The following ABCA10 variants were observed in gnomAD, a reference collection of about 807,000 sequenced individuals.
ABCA10 encodes the protein ATP-binding cassette sub-family A member 10.
ABCA10 carries 169 observed loss-of-function variants against 187.5 expected under a neutral mutation model. The ratio of observed to expected loss-of-function variants is 0.90; its 90% CI spans 0.80 to 1.02. ABCA10 has a LOEUF of 1.02. Ranked by LOEUF, ABCA10 falls within the 50% of genes least tolerant of loss-of-function variation. The pLI is 0.00. For synonymous variants in ABCA10, 574 were observed against 601.8 expected, an observed-to-expected ratio of 0.95 and a Z score of 0.68; for missense variants, 1,727 against 1,812.4, an observed-to-expected ratio of 0.95 and a Z score of 0.86.
intron 14 of ABCA10, 62 bp from the exon 15 acceptor site, chr17:69,193,310 C>A: frequency 3.8e-6 from 6 of 1,577,806 alleles, no homozygotes; most frequent in Non-Finnish European, 8.6e-7. Context: ...TCAGAAAGCA[C>A]CATGAAAACA....
chr17:69,177,969 AAAAAAT>A (rs1384145019), intron 22 of ABCA10, among the ~76,000 whole-genome samples: 34 of 54,998 alleles, frequency 6.2e-4, no homozygotes, highest in African/African-American at 1.3e-3. Flanking sequence ...AAAAAAAAAA[AAAAAAT>A]ATATATATAT....
intron 10 of ABCA10, among the ~76,000 whole-genome samples, chr17:69,200,568 CTTAT>C (rs1210796500): frequency 1.3e-5 from 2 of 152,176 alleles, no homozygotes; most frequent in African/African-American, 2.4e-5. Flanking sequence ...TGCTTTATTT[CTTAT>C]TTGTTTACTT....
chr17:69,195,077 A>G (rs917082406), intron 11 of ABCA10, among the ~76,000 whole-genome samples: 1 of 152,246 alleles, frequency 6.6e-6, no homozygotes, highest in African/African-American at 2.4e-5. Context: ...TTTCACATAT[A>G]TGTGCCTAAG....
At chr17:69,239,339 G>T (rs891648867) in intron 1 of ABCA10, among the ~76,000 whole-genome samples, 1 of 152,152 alleles carries the variant, frequency 6.6e-6, no homozygotes, top group Non-Finnish European at 1.5e-5. Context: ...TTCCCAGGTC[G>T]TTGGAGAAAG....
intron 30 of ABCA10, among the ~76,000 whole-genome samples, chr17:69,154,581 C>T (rs1199274646): frequency 6.6e-6 from 1 of 152,136 alleles, no homozygotes; most frequent in East Asian, 1.9e-4. Flanking sequence ...TGCACCACCA[C>T]ACCCAGCTAA....
intron 21 of ABCA10, 23 bp from the exon 22 acceptor site, chr17:69,182,313 TAA>T: frequency 7.0e-7 from 1 of 1,433,328 alleles, no homozygotes; most frequent in Non-Finnish European, 9.3e-7. Context: ...TACACAAATA[TAA>T]GTTATAAATT....
At chr17:69,182,095 C>A in intron 22 of ABCA10, 58 bp downstream of exon 22, 2 of 1,411,140 alleles carry the variant, frequency 1.4e-6, no homozygotes, top group South Asian at 3.6e-5. Flanking sequence ...GCTCTAGAGC[C>A]CTCATCCTTT....
intron 22 of ABCA10, among the ~76,000 whole-genome samples, chr17:69,178,283 G>A (rs1274888554): frequency 6.6e-6 from 1 of 152,042 alleles, no homozygotes; most frequent in African/African-American, 2.4e-5. Context: ...GACAGCTTTA[G>A]AAGACACCTT....
chr17:69,180,285 C>T (rs1195538121), intron 22 of ABCA10, among the ~76,000 whole-genome samples: 2 of 152,160 alleles, frequency 1.3e-5, no homozygotes. Flanking sequence ...CTCATTCATC[C>T]ATTCAACAAA....
chr17:69,150,948 A>G (rs1231240045), intron 36 of ABCA10, among the ~76,000 whole-genome samples: 1 of 152,054 alleles, frequency 6.6e-6, no homozygotes, highest in African/African-American at 2.4e-5. Flanking sequence ...CCTCAATCCC[A>G]TCTCAAAGCT....
chr17:69,153,487 T>G lies in ABCA10; in HGVS notation c.4025A>C (p.Glu1342Ala), dbSNP rs2074146883. 1 of 1,614,040 alleles carries G rather than the reference T, an allele frequency of 6.2e-7. No homozygotes were observed. The highest frequency in any genetic ancestry group is 1.7e-5 in the Admixed American group (1 of 60,006). The change falls in exon 33 of 39, where the codon GAG becomes GCG. Residue 1342 changes from glutamate (E) to alanine (A), a missense_variant. Coordinates refer to ENST00000690296, the MANE Select transcript of ABCA10 (RefSeq NM_001377321.1). The stretch of plus-strand genomic sequence containing the variant: ...GGCCCATACCTTTCTCTTTATTCCC[T>G]CTGATAGAGTTTTCACAGGAGCCTT... ...QLKAPVKTLS[E>A]GIKRKLCFVL...
rs777225232 is a variant in ABCA10, at chr17:69,201,599, G to A, written c.1076C>T (p.Thr359Ile). The part of the protein sequence containing the change: ...KSSFWSKHQN[T>I]HHEIFENEIN... Reference sequence around the variant, plus strand: ...TTCATTCTCAAAGATTTCATGATGAGTATTTTGATGTTTGGACCAAAATGA... The same window carrying A: ...TTCATTCTCAAAGATTTCATGATGAATATTTTGATGTTTGGACCAAAATGA... Residue 359 changes from threonine (T) to isoleucine (I), a missense_variant, in exon 10 of 39, where the codon ACT (threonine) becomes ATT (isoleucine). Thr to Ile is a moderately conservative substitution (Grantham distance 89). Coordinates refer to ENST00000690296, the MANE Select transcript of ABCA10 (RefSeq NM_001377321.1). 2 of 1,612,650 alleles carry A rather than the reference G, an allele frequency of 1.2e-6. No individual in the cohort carries two copies. Among genetic ancestry groups the A allele is most frequent in the Non-Finnish European group, 1.7e-6 (2 of 1,179,494 alleles).
At position 69,182,746 on chromosome 17, in the gene ABCA10, CA is replaced by C. The variant is rs1398530765; in HGVS notation, c.2559del (p.Asp853GlufsTer19). The C allele has an allele frequency of 1.2e-5, 20 of 1,611,624 alleles. No homozygotes were observed. The East Asian group carries it at 4.5e-4, about 36-fold the overall frequency. On this transcript the variant is annotated frameshift_variant, in exon 21 of 39. Coordinates refer to ENST00000690296, the MANE Select transcript of ABCA10 (RefSeq NM_001377321.1). LOFTEE classifies it high-confidence loss of function. ...TCTGAGCCATTTCTGTTTCTAAAGT[CA>C]TCTATTTCCAAAACTATATCCTGAC... ...LKCQDIVLEI[D>X]DFRNRNGSDD...
At chr17:69,162,731 G>A (rs2074225832) in intron 27 of ABCA10, among the ~76,000 whole-genome samples, 1 of 151,730 alleles carries the variant, frequency 6.6e-6, no homozygotes, top group African/African-American at 2.4e-5. Flanking sequence ...CAGTTCTGTA[G>A]GAATGAACTA....
chr17:69,182,624 A>G, intron 21 of ABCA10, 51 bp downstream of exon 21: 1 of 1,512,120 alleles, frequency 6.6e-7, no homozygotes, highest in Non-Finnish European at 8.8e-7. Context: ...AGGACGTGGC[A>G]AAAAAAACAA....
chr17:69,230,935 T>C (rs560382633), upstream of ABCA10, among the ~76,000 whole-genome samples: 203 of 152,234 alleles, frequency 1.3e-3, 2 homozygotes, highest in African/African-American at 4.7e-3. Context: ...TATGAGAAAA[T>C]ATTGTCACTG....
At chr17:69,168,175 A>G (rs1568053670) in intron 25 of ABCA10, among the ~76,000 whole-genome samples, 1 of 152,210 alleles carries the variant, frequency 6.6e-6, no homozygotes, top group Non-Finnish European at 1.5e-5. Flanking sequence ...TATACAAAAT[A>G]CACGTTAAGC....
At chr17:69,205,045 T>C (rs889006505) in intron 9 of ABCA10, among the ~76,000 whole-genome samples, 5 of 152,104 alleles carry the variant, frequency 3.3e-5, no homozygotes, top group Non-Finnish European at 7.4e-5. Context: ...GGAGGATTGC[T>C]TGAGTCTGGG....
At chr17:69,178,789 A>G (rs1173952448) in intron 22 of ABCA10, 1 of 152,198 alleles carries the variant, frequency 6.6e-6, no homozygotes, top group African/African-American at 2.4e-5. Context: ...TTTTCTTTAA[A>G]AAGAAAATAC....
Sources: allele counts gnomAD v4.1 joint callset (sites outside exome capture counted in the v4.1 genomes callset), GRCh38; gene constraint gnomAD v4.1.1; transcripts MANE v1.5; gene names NCBI Gene and HGNC (gene_info 2026-07-23, HGNC 2026-07-21).